The following SLC13A3 variants were observed in gnomAD, a reference collection of about 807,000 sequenced individuals.
The protein encoded by SLC13A3 is solute carrier family 13 member 3.
Under a neutral mutation model 59.0 loss-of-function variants are expected in SLC13A3, and 40 were observed. The observed-to-expected ratio is 0.68, with a 90% CI of 0.53 to 0.88. SLC13A3 has a LOEUF of 0.88. Ranked by LOEUF, SLC13A3 falls within the 40% of genes least tolerant of loss-of-function variation. SLC13A3 has a pLI of 0.00. For synonymous variants in SLC13A3, 317 were observed against 330.3 expected (o/e 0.96, Z 0.44); for missense variants, 699 against 783.2 (o/e 0.89, Z 1.28).
intron 7 of SLC13A3, 94 bp downstream of exon 7, chr20:46,589,066 G>A (rs916892658): frequency 2.8e-6 from 3 of 1,071,958 alleles, no homozygotes; most frequent in Non-Finnish European, 4.2e-6. Context: ...TTCCCCTGGA[G>A]CTCAGCCCCC....
At chr20:46,671,969 C>T (rs545526575), upstream of SLC13A3, among the ~76,000 whole-genome samples, 2 of 152,292 alleles carry the variant, frequency 1.3e-5, no homozygotes, top group Non-Finnish European at 1.5e-5. Flanking sequence ...CATAGTCATC[C>T]AATCTGATAC....
chr20:46,636,755 C>T (rs1329050543), intron 1 of SLC13A3, among the ~76,000 whole-genome samples: 1 of 152,072 alleles, frequency 6.6e-6, no homozygotes, highest in Non-Finnish European at 1.5e-5. Context: ...TTCTGTGCTC[C>T]CACTGCTTCT....
chr20:46,636,669 A>G (rs2062798187), intron 1 of SLC13A3, among the ~76,000 whole-genome samples: 1 of 152,234 alleles, frequency 6.6e-6, no homozygotes, highest in African/African-American at 2.4e-5. Flanking sequence ...GAGGCTGGCA[A>G]GGGAAGTGCC....
At chr20:46,572,345 G>A (rs2062036076) in intron 10 of SLC13A3, among the ~76,000 whole-genome samples, 1 of 152,156 alleles carries the variant, frequency 6.6e-6, no homozygotes, top group African/African-American at 2.4e-5. Flanking sequence ...GGCAGAGGCT[G>A]GGGAAAGGAA....
At position 46,605,047 on chromosome 20, in the gene SLC13A3, G is replaced by A. The variant is rs183709871; in HGVS notation, c.542-5010C>T. 4.2e-3 allele frequency among the ~76,000 whole-genome samples: 632 copies of A among 152,240 alleles called. 15 individuals carry two copies. The highest frequency in any genetic ancestry group is 5.4e-3 in the East Asian group (28 of 5,176). On this transcript the variant is annotated intron_variant, in intron 3 of 12. Coordinates refer to ENST00000279027, the MANE Select transcript of SLC13A3 (RefSeq NM_022829.6). ...AGCTCACCAGTTTGCCACAGCCCTC[G>A]CCTGGCCCCGTTTGCTCTGCATCTG...
intron 10 of SLC13A3, among the ~76,000 whole-genome samples, chr20:46,573,265 G>C (rs1240829782): frequency 1.3e-5 from 2 of 152,208 alleles, no homozygotes; most frequent in Non-Finnish European, 2.9e-5. Context: ...GCAGTCGGCT[G>C]TCTCAGACCC....
rs536180788 is a variant in SLC13A3 at position 46,621,386 on chromosome 20, T to C, written c.112-7661A>G. 4.6e-5 allele frequency among the ~76,000 whole-genome samples: 7 copies of C among 152,312 alleles called. No individual in the cohort carries two copies. The South Asian group carries it at 1.4e-3, about 32-fold the overall frequency. On this transcript the variant is annotated intron_variant, in intron 1 of 12. Transcript: ENST00000279027. ...GCACCCATTTTTCTTCAGTTAATAA[T>C]GTAAAACAAAGATGGCATTGACATG...
chr20:46,567,472 AC>A (rs1450679307), intron 10 of SLC13A3, among the ~76,000 whole-genome samples: 1 of 152,028 alleles, frequency 6.6e-6, no homozygotes, highest in Non-Finnish European at 1.5e-5. Flanking sequence ...AGTGCCTGAG[AC>A]ACCCATCTAC....
chr20:46,560,127 C>CTGT lies in SLC13A3; in HGVS notation c.1701_1703dup (p.Gln568dup). The CTGT allele has an allele frequency of 1.2e-6, 2 of 1,614,176 alleles. No homozygotes were observed. The highest frequency in any genetic ancestry group is 2.2e-5 in the South Asian group (2 of 91,074). On this transcript the variant is annotated inframe_insertion, in exon 13 of 13. Coordinates refer to ENST00000279027, the MANE Select transcript of SLC13A3 (RefSeq NM_022829.6). ...GGAAGGTGCCCAGCTGGAAGATGGT[C>CTGT]TGTGCCCAGGTATTCATAGCCAAAC... is the stretch of plus-strand genomic sequence containing the variant.
intron 3 of SLC13A3, among the ~76,000 whole-genome samples, chr20:46,601,012 C>T (rs2062375011): frequency 6.6e-6 from 1 of 151,830 alleles, no homozygotes; most frequent in Non-Finnish European, 1.5e-5. Flanking sequence ...TGCAAGGAAA[C>T]AGGAACAGCA....
At chr20:46,589,941 A>G (rs1292634734) in intron 6 of SLC13A3, among the ~76,000 whole-genome samples, 1 of 152,242 alleles carries the variant, frequency 6.6e-6, no homozygotes, top group Non-Finnish European at 1.5e-5. Flanking sequence ...TTGGAATAAT[A>G]TGGTTAGAGT....
At chr20:46,595,760 T>C (rs542397326) in intron 5 of SLC13A3, among the ~76,000 whole-genome samples, 1 of 152,262 alleles carries the variant, frequency 6.6e-6, no homozygotes, top group African/African-American at 2.4e-5. Context: ...CTCCCCACTG[T>C]CGGCAATGCC....
rs137901143 is a variant in SLC13A3, at chr20:46,559,699, G to A, written c.*323C>T. 4.9e-5 allele frequency: 12 copies of A among 244,862 alleles called. No homozygotes were observed. In the East Asian group the frequency reaches 7.1e-4, roughly 14 times the overall value. 15.2% of individuals were successfully genotyped at this position (244,862 alleles called of 1,614,324 possible). On this transcript the variant is annotated 3_prime_UTR_variant, in exon 13 of 13. Coordinates refer to ENST00000279027, the MANE Select transcript of SLC13A3 (RefSeq NM_022829.6). ...GAATGGCCTCCTATCCCAACTGTAC[G>A]AGACAAACACCATGCCAGATTTGCT...
intron 1 of SLC13A3, among the ~76,000 whole-genome samples, chr20:46,675,706 C>T (rs1214393818): frequency 6.6e-6 from 1 of 151,784 alleles, no homozygotes; most frequent in African/African-American, 2.4e-5. Flanking sequence ...CTCAGCCTCC[C>T]CAGTCGCTGG....
intron 1 of SLC13A3, among the ~76,000 whole-genome samples, chr20:46,650,744 G>C (rs990126197): frequency 6.6e-6 from 1 of 152,126 alleles, no homozygotes; most frequent in African/African-American, 2.4e-5. Context: ...GTGCAATACA[G>C]CACCAAGCAC....
At chr20:46,626,107 C>CTCTCTG (rs1439253035) in intron 1 of SLC13A3, among the ~76,000 whole-genome samples, 1 of 151,194 alleles carries the variant, frequency 6.6e-6, no homozygotes, top group Non-Finnish European at 1.5e-5. Flanking sequence ...TTCTCTCTCT[C>CTCTCTG]TCTCTCTCTC....
chr20:46,661,858 G>A (rs1443240678), intron 1 of SLC13A3, among the ~76,000 whole-genome samples: 1 of 152,100 alleles, frequency 6.6e-6, no homozygotes, highest in East Asian at 1.9e-4. Flanking sequence ...GCCTACTTTT[G>A]AGAGTGTCTT....
At chr20:46,614,757 C>A (rs375644233) in intron 1 of SLC13A3, among the ~76,000 whole-genome samples, 1 of 152,158 alleles carries the variant, frequency 6.6e-6, no homozygotes, top group African/African-American at 2.4e-5. Context: ...CTGTGCAGAC[C>A]AGGGTAGACC....
chr20:46,632,760 A>G (rs1185841507), intron 1 of SLC13A3, among the ~76,000 whole-genome samples: 1 of 152,054 alleles, frequency 6.6e-6, no homozygotes, highest in Non-Finnish European at 1.5e-5. Context: ...CGTAGGTAAA[A>G]GGCTGGGTGC....
Sources: gnomAD v4.1 joint callset for allele counts (sites outside exome capture counted in the v4.1 genomes callset) on GRCh38, gnomAD v4.1.1 for gene constraint, MANE v1.5 for transcripts, NCBI Gene and HGNC (gene_info 2026-07-23, HGNC 2026-07-21) for gene names.